ADCY8: variants seen among roughly 807,000 people sequenced by gnomAD.
ADCY8 encodes adenylate cyclase type 8.
Under a neutral mutation model 119.7 loss-of-function variants are expected in ADCY8, and 51 were observed. That is an observed-to-expected ratio of 0.43 (90% CI 0.34 to 0.54). ADCY8 has a LOEUF of 0.54. Among genes scored for constraint, ADCY8 ranks in the 20% least tolerant of loss-of-function variants. The probability of loss-of-function intolerance (pLI) is 0.03; values close to 1 mark genes in which losing one functional copy is unlikely to be tolerated. For synonymous variants in ADCY8, 665 were observed against 651.0 expected, an observed-to-expected ratio of 1.02 and a Z score of -0.33; for missense variants, 1,383 against 1,598.8, an observed-to-expected ratio of 0.87 and a Z score of 2.30.
At chr8:130,964,029 C>T (rs1821687121) in intron 2 of ADCY8, among the ~76,000 whole-genome samples, 1 of 152,142 alleles carries the variant, frequency 6.6e-6, no homozygotes. Flanking sequence ...AGATCTGTAC[C>T]TGGGATGCCT....
intron 16 of ADCY8, 145 bp from the exon 17 acceptor site, chr8:130,783,950 C>T (rs1256392052): frequency 1.6e-6 from 1 of 607,028 alleles, no homozygotes; most frequent in African/African-American, 1.9e-5. Context: ...CCCCTCTACA[C>T]TCAAGTCACT....
At chr8:130,836,648 A>T (rs1276120403) in intron 11 of ADCY8, among the ~76,000 whole-genome samples, 199 bp from the exon 12 acceptor site, 2 of 152,128 alleles carry the variant, frequency 1.3e-5, no homozygotes, top group Non-Finnish European at 2.9e-5. Context: ...TGGCATCACT[A>T]TTCATAGCAT....
rs189322658 is a variant in ADCY8 at position 130,996,879 on chromosome 8, G to A, written c.961-6337C>T. Among the ~76,000 whole-genome samples, 54 of 152,212 alleles carry A rather than the reference G, an allele frequency of 3.5e-4. 1 individual carries two copies. In the East Asian group the frequency reaches 9.8e-3, roughly 28 times the overall value. ...TGTAATATTTATGAGAAGAAAATTG[G>A]CAACATGTTGCAAAATTTGACTCAT... On this transcript the variant is annotated intron_variant, in intron 1 of 17. Transcript: ENST00000286355.
In ADCY8 at chr8:130,937,129, G is replaced by C. The variant is rs773873007; in HGVS notation, c.1425C>G (p.Arg475=). 1.7e-5 allele frequency: 27 copies of C among 1,613,766 alleles called. No homozygotes were observed. The African/African-American group carries it at 3.2e-4, about 19-fold the overall frequency. ...CAACACAGCAGTGGGCATGGTCCTG[G>C]CGGGGCTCAGGAAGTCCAGACACGC... ...YYCVSGLPEP[R]QDHAHCCVEM... Residue 475 remains arginine, a synonymous_variant, in exon 5 of 18, where the codon CGC becomes CGG. Coordinates refer to ENST00000286355, the MANE Select transcript of ADCY8 (RefSeq NM_001115.3).
intron 9 of ADCY8, among the ~76,000 whole-genome samples, chr8:130,850,855 A>G (rs906522100): frequency 1.4e-4 from 21 of 152,330 alleles, no homozygotes; most frequent in African/African-American, 5.1e-4. Flanking sequence ...TAAATAATGT[A>G]TCGAGATCTG....
intron 4 of ADCY8, among the ~76,000 whole-genome samples, chr8:130,939,756 T>G (rs1256867074): frequency 6.6e-6 from 1 of 152,180 alleles, no homozygotes; most frequent in Non-Finnish European, 1.5e-5. Flanking sequence ...GGCCATTACT[T>G]AACAATGACA....
intron 5 of ADCY8, among the ~76,000 whole-genome samples, chr8:130,933,141 G>T (rs950065245): frequency 2.0e-5 from 3 of 152,034 alleles, no homozygotes; most frequent in Non-Finnish European, 4.4e-5. Context: ...CTCAAACAGG[G>T]GTCCATTTCT....
chr8:131,019,823 C>CTT, intron 1 of ADCY8, among the ~76,000 whole-genome samples: 1 of 126,404 alleles, frequency 7.9e-6, no homozygotes, highest in South Asian at 2.9e-4. Context: ...CTCTCTCTCT[C>CTT]TCTCTCTCTC....
intron 2 of ADCY8, among the ~76,000 whole-genome samples, chr8:130,978,602 G>A (rs935984635): frequency 1.3e-5 from 2 of 152,132 alleles, no homozygotes; most frequent in African/African-American, 4.8e-5. Flanking sequence ...ATTCCTCCAT[G>A]GATCAAGGAA....
intron 8 of ADCY8, among the ~76,000 whole-genome samples, chr8:130,878,784 A>T (rs113935038): frequency 5.3e-5 from 8 of 152,318 alleles, no homozygotes; most frequent in African/African-American, 1.7e-4. Context: ...CTTTTCTCAA[A>T]GCAATTAAGA....
At chr8:130,882,547 T>C (rs1207937530) in intron 8 of ADCY8, among the ~76,000 whole-genome samples, 4 of 152,142 alleles carry the variant, frequency 2.6e-5, no homozygotes, top group African/African-American at 9.6e-5. Flanking sequence ...AGAGGCAGCA[T>C]AGTCAACAGA....
Position 130,904,025 on chromosome 8 carries a change from T to C in ADCY8, c.1658A>G (p.Lys553Arg), listed in dbSNP as rs1442895768. 2 of 1,612,852 alleles carry C rather than the reference T, an allele frequency of 1.2e-6. No individual in the cohort carries two copies. The highest frequency in any genetic ancestry group is 1.7e-6 in the Non-Finnish European group (2 of 1,179,122). ...GGIPGRIHISKATLDCLNGDY... is the reference protein window; with the variant it reads ...GGIPGRIHISRATLDCLNGDY... ...ACCGTTGAGACAGTCCAGCGTGGCTTTGGAAATGTGAATCCTCCTGTGTGT... is the reference window on the plus strand; with the variant it reads ...ACCGTTGAGACAGTCCAGCGTGGCTCTGGAAATGTGAATCCTCCTGTGTGT... The change falls in exon 7 of 18, where the codon AAA (lysine) becomes AGA (arginine). Residue 553 changes from lysine (K) to arginine (R), a missense_variant. By Grantham distance (26) the Lys-to-Arg change is conservative. Transcript: ENST00000286355.
Position 130,780,822 on chromosome 8 carries a change from A to G in ADCY8, c.3324T>C (p.Tyr1108=), listed in dbSNP as rs149834284. 1.9e-5 allele frequency: 30 copies of G among 1,614,018 alleles called. No individual in the cohort carries two copies. Among genetic ancestry groups the G allele is most frequent in the African/African-American group, 2.7e-5 (2 of 74,912 alleles). ...GGTTCACAGTTTTGCCCCAAATGTC[A>G]TACTGTGGTTTCTTAGCGCCGATAA... ...AGVIGAKKPQ[Y]DIWGKTVNLA... The change falls in exon 18 of 18, where the codon TAT becomes TAC. Residue 1108 remains tyrosine, a synonymous_variant. Transcript: ENST00000286355.
intron 14 of ADCY8, among the ~76,000 whole-genome samples, chr8:130,804,207 G>T (rs1391856409): frequency 3.9e-5 from 6 of 152,172 alleles, no homozygotes; most frequent in Admixed American, 3.9e-4. Flanking sequence ...AGACTCTGTG[G>T]CTTAAACAAC....
At chr8:131,003,905 G>C (rs1265822923) in intron 1 of ADCY8, among the ~76,000 whole-genome samples, 1 of 152,070 alleles carries the variant, frequency 6.6e-6, no homozygotes, top group Admixed American at 6.5e-5. Flanking sequence ...GAAGAGGAGG[G>C]GGAGGGAAAT....
chr8:130,907,530 T>G, intron 6 of ADCY8, among the ~76,000 whole-genome samples: 1 of 152,306 alleles, frequency 6.6e-6, no homozygotes, highest in African/African-American at 2.4e-5. Context: ...ACTACATTTT[T>G]AAGGCGGATA....
intron 11 of ADCY8, among the ~76,000 whole-genome samples, chr8:130,846,888 T>TTTCCTTTCCTTCC (rs1817341470): frequency 5.0e-5 from 1 of 19,834 alleles, no homozygotes; most frequent in Non-Finnish European, 8.7e-5. Context: ...TTCCCTTCCC[T>TTTCCTTTCCTTCC]TTCCTTCCTT....
chr8:130,972,941 CAT>C (rs1204407965), intron 2 of ADCY8, among the ~76,000 whole-genome samples: 2 of 151,874 alleles, frequency 1.3e-5, no homozygotes, highest in South Asian at 4.2e-4. Flanking sequence ...TGGAGTGGCT[CAT>C]GTGAAAATGA....
At chr8:130,791,498 C>T (rs1815424961) in intron 15 of ADCY8, among the ~76,000 whole-genome samples, 1 of 152,274 alleles carries the variant, frequency 6.6e-6, no homozygotes, top group South Asian at 2.1e-4. Flanking sequence ...AAAGGACTAG[C>T]TCTAGCCTTC....
Sources: gnomAD v4.1 joint callset for allele counts (sites outside exome capture counted in the v4.1 genomes callset) on GRCh38, gnomAD v4.1.1 for gene constraint, MANE v1.5 for transcripts, NCBI Gene and HGNC (gene_info 2026-07-23, HGNC 2026-07-21) for gene names.